The following CGNL1 variants were observed in gnomAD, a reference collection of about 807,000 sequenced individuals.
CGNL1 encodes cingulin-like protein 1.
CGNL1 carries 132 observed loss-of-function variants against 141.2 expected under a neutral mutation model. That is an observed-to-expected ratio of 0.93 (90% CI 0.81 to 1.08). The LOEUF (loss-of-function observed/expected upper bound fraction) is 1.08. Among genes scored for constraint, CGNL1 ranks in the 50% least tolerant of loss-of-function variants. The pLI is 0.00. For synonymous variants in CGNL1, 690 were observed against 622.1 expected (o/e 1.11, Z -1.63); for missense variants, 1,870 against 1,588.6 (o/e 1.18, Z -3.01).
chr15:57,438,681 A>C lies in CGNL1; in HGVS notation c.682A>C (p.Lys228Gln), dbSNP rs1271640245. 6.2e-7 allele frequency: 1 copy of C among 1,614,030 alleles called. No individual in the cohort carries two copies. The highest frequency in any genetic ancestry group is 1.3e-5 in the African/African-American group (1 of 74,898). ...CAGCTCCGTGGTCATAGAGGACCCC[A>C]AAAAGCAGACCTCAGTGTGTGTAAA... ...LCSSVVIEDP[K>Q]KQTSVCVNVQ... The change falls in exon 2 of 19, where the codon AAA becomes CAA. Residue 228 changes from lysine (K) to glutamine (Q), a missense_variant. Transcript: ENST00000281282.
intron 1 of CGNL1, among the ~76,000 whole-genome samples, chr15:57,381,412 T>C (rs539420909): frequency 6.6e-6 from 1 of 152,164 alleles, no homozygotes; most frequent in African/African-American, 2.4e-5. Context: ...AATACAGAAA[T>C]TAGCCTGGTG....
At chr15:57,500,616 C>A (rs1306376066) in intron 8 of CGNL1, among the ~76,000 whole-genome samples, 1 of 151,032 alleles carries the variant, frequency 6.6e-6, no homozygotes, top group African/African-American at 2.4e-5. Context: ...AGAGAACTAT[C>A]AGTTTTGTGA....
At chr15:57,525,442 C>A (rs1466923644) in intron 12 of CGNL1, among the ~76,000 whole-genome samples, 1 of 152,206 alleles carries the variant, frequency 6.6e-6, no homozygotes, top group Non-Finnish European at 1.5e-5. Context: ...AACTGGGTCA[C>A]CTTGAGCAAC....
At chr15:57,518,572 A>G in intron 10 of CGNL1, 75 bp downstream of exon 10, 1 of 1,006,580 alleles carries the variant, frequency 9.9e-7, no homozygotes, top group Non-Finnish European at 1.5e-6. Flanking sequence ...GGATGTGTGG[A>G]GATTGTCCTT....
Position 57,523,576 on chromosome 15 carries a change from T to C in CGNL1, c.2803T>C (p.Leu935=), listed in dbSNP as rs1416244958. 6.2e-7 allele frequency: 1 copy of C among 1,614,046 alleles called. No individual in the cohort carries two copies. The highest frequency in any genetic ancestry group is 1.1e-5 in the South Asian group (1 of 91,066). The change falls in exon 11 of 19, where the codon TTG becomes CTG. Residue 935 remains leucine, a synonymous_variant. Transcript: ENST00000281282. ...TGAGCAGAAGGAGCAGCTAAGAAGG[T>C]TGAAGAACGAGATGGAGAATGAGCG... ...ESEQKEQLRR[L]KNEMENERWH...
chr15:57,398,274 A>G (rs1473610117), intron 1 of CGNL1: 1 of 152,140 alleles, frequency 6.6e-6, no homozygotes, highest in African/African-American at 2.4e-5. Flanking sequence ...ATTTACATAT[A>G]TGTATGCTTT....
intron 4 of CGNL1, among the ~76,000 whole-genome samples, chr15:57,447,430 A>G (rs919361443): frequency 2.0e-5 from 3 of 152,204 alleles, no homozygotes; most frequent in Non-Finnish European, 4.4e-5. Context: ...TGCTTCATGA[A>G]TTTAAAGACG....
Position 57,547,470 on chromosome 15 carries a change from A to C in CGNL1, c.3889A>C (p.Thr1297Pro), listed in dbSNP as rs1567182560. ...PVSYTFSKDS[T>P]VASQI Reference sequence around the variant, plus strand: ...GAGCTACACATTCTCCAAGGACAGCACCGTCGCCAGCCAGATCTGAGTGCT... The same window carrying C: ...GAGCTACACATTCTCCAAGGACAGCCCCGTCGCCAGCCAGATCTGAGTGCT... Residue 1297 changes from threonine to proline, a missense_variant, in exon 19 of 19, where the codon ACC becomes CCC. Physicochemically the swap from Thr to Pro is conservative, Grantham distance 38. Transcript: ENST00000281282. The C allele has an allele frequency of 3.7e-6, 6 of 1,613,984 alleles. No individual in the cohort carries two copies. In the Admixed American group the frequency reaches 6.7e-5, roughly 18 times the overall value.
At chr15:57,446,306 G>T (rs1351143999) in intron 4 of CGNL1, among the ~76,000 whole-genome samples, 3 of 152,078 alleles carry the variant, frequency 2.0e-5, no homozygotes, top group Non-Finnish European at 2.9e-5. Flanking sequence ...ATACCATCTA[G>T]ATCAAGATAT....
intron 1 of CGNL1, chr15:57,401,966 T>C (rs2062665239): frequency 6.6e-6 from 1 of 152,202 alleles, no homozygotes; most frequent in Non-Finnish European, 1.5e-5. Context: ...TTTTTCTTTT[T>C]CTCTGTCCTT....
At chr15:57,538,510 T>G (rs1452705543) in intron 14 of CGNL1, among the ~76,000 whole-genome samples, 1 of 152,166 alleles carries the variant, frequency 6.6e-6, no homozygotes, top group Non-Finnish European at 1.5e-5. Context: ...CCTGGGGCTC[T>G]CCAGGGGCCC....
intron 4 of CGNL1, among the ~76,000 whole-genome samples, chr15:57,447,985 T>G (rs1296594677): frequency 6.6e-6 from 1 of 152,210 alleles, no homozygotes; most frequent in East Asian, 1.9e-4. Flanking sequence ...TTTTTCTTCA[T>G]CCTTCATTTA....
intron 1 of CGNL1, among the ~76,000 whole-genome samples, chr15:57,420,272 G>A (rs2062899003): frequency 6.6e-6 from 1 of 152,152 alleles, no homozygotes; most frequent in South Asian, 2.1e-4. Flanking sequence ...ATTGATACTG[G>A]AGTACTGTTG....
intron 4 of CGNL1, among the ~76,000 whole-genome samples, chr15:57,444,866 T>G (rs1043478196): frequency 6.6e-6 from 1 of 152,174 alleles, no homozygotes; most frequent in Admixed American, 6.5e-5. Context: ...GGGTTACCAT[T>G]GTTGGATTTT....
intron 1 of CGNL1, among the ~76,000 whole-genome samples, chr15:57,427,758 A>T (rs1435918639): frequency 8.9e-5 from 1 of 11,190 alleles, no homozygotes; most frequent in Non-Finnish European, 3.4e-4. Context: ...GCATTGCTGG[A>T]ATTCCACACC....
At chr15:57,485,460 G>C (rs1381778726) in intron 8 of CGNL1, among the ~76,000 whole-genome samples, 2 of 152,164 alleles carry the variant, frequency 1.3e-5, no homozygotes, top group African/African-American at 4.8e-5. Flanking sequence ...ATTGTTACTA[G>C]TTGGACAAGT....
intron 1 of CGNL1, among the ~76,000 whole-genome samples, chr15:57,381,892 C>T (rs1309873889): frequency 1.3e-5 from 2 of 152,210 alleles, no homozygotes; most frequent in East Asian, 1.9e-4. Context: ...AATTTATGGA[C>T]TGCTGCTTTT....
chr15:57,381,385 T>C (rs1207275468), intron 1 of CGNL1, among the ~76,000 whole-genome samples: 1 of 152,032 alleles, frequency 6.6e-6, no homozygotes, highest in East Asian at 1.9e-4. Context: ...CATGCTGAAA[T>C]ACCGCCTCTA....
At chr15:57,379,267 G>C (rs2062400516) in intron 1 of CGNL1, among the ~76,000 whole-genome samples, 1 of 152,202 alleles carries the variant, frequency 6.6e-6, no homozygotes, top group African/African-American at 2.4e-5. Flanking sequence ...AAAAGTTTAT[G>C]TAAATGTGGG....
Sources: gnomAD v4.1 joint callset for allele counts (sites outside exome capture counted in the v4.1 genomes callset) on GRCh38, gnomAD v4.1.1 for gene constraint, MANE v1.5 for transcripts, NCBI Gene and HGNC (gene_info 2026-07-23, HGNC 2026-07-21) for gene names.